The following WDR37 variants were observed in gnomAD, a reference collection of about 807,000 sequenced individuals.
The protein encoded by WDR37 is WD repeat domain 37, also known as WD repeat-containing protein 37.
A neutral mutation model predicts 62.9 loss-of-function variants in WDR37; 19 were observed. The ratio of observed to expected loss-of-function variants is 0.30; its 90% confidence interval spans 0.21 to 0.44. The LOEUF is 0.44. WDR37 is among the 20% of genes least tolerant of loss of function. WDR37 has a pLI of 1.00. For missense variants in WDR37, 474 were observed against 657.6 expected, an observed-to-expected ratio of 0.72 and a Z score of 3.05; for synonymous variants, 250 against 260.9, an observed-to-expected ratio of 0.96 and a Z score of 0.40.
intron 11 of WDR37, among the ~76,000 whole-genome samples, chr10:1,107,369 C>T (rs537900861): frequency 2.2e-4 from 33 of 152,322 alleles, no homozygotes; most frequent in Admixed American, 3.9e-4. Flanking sequence ...GAAGGGCAGT[C>T]GGAGGCCTAG....
chr10:1,126,274 C>T lies in WDR37; in HGVS notation c.1353+1250C>T, dbSNP rs536992897. 1.5e-3 allele frequency among the ~76,000 whole-genome samples: 224 copies of T among 151,980 alleles called. 4 individuals carry two copies. The highest frequency in any genetic ancestry group is 0.011 in the South Asian group (55 of 4,796). ...CAAAAAAATCAGCCAGGCGTGGTGG[C>T]GGGCGTCTGTAGTCCCAGCTACTCG... is the stretch of plus-strand genomic sequence containing the variant. On this transcript the variant is annotated intron_variant, in intron 13 of 13. Coordinates refer to ENST00000263150, the MANE Select transcript of WDR37 (RefSeq NM_014023.4).
chr10:1,077,329 A>G (rs956066203), intron 2 of WDR37, among the ~76,000 whole-genome samples: 3 of 152,216 alleles, frequency 2.0e-5, no homozygotes, highest in Non-Finnish European at 4.4e-5. Flanking sequence ...GCAGGAAATA[A>G]AAAGTTAATG....
At chr10:1,069,718 G>T in intron 1 of WDR37, among the ~76,000 whole-genome samples, 1 of 151,882 alleles carries the variant, frequency 6.6e-6, no homozygotes, top group East Asian at 1.9e-4. Flanking sequence ...TTTGTATCTT[G>T]AACATGTGGC....
At chr10:1,101,173 T>A (rs1834786455) in intron 9 of WDR37, among the ~76,000 whole-genome samples, 1 of 152,084 alleles carries the variant, frequency 6.6e-6, no homozygotes, top group Non-Finnish European at 1.5e-5. Flanking sequence ...CCTGTCCGTC[T>A]CCCCCGTTGT....
intron 9 of WDR37, 146 bp downstream of exon 9, chr10:1,096,392 G>T: frequency 1.2e-6 from 1 of 825,584 alleles, no homozygotes; most frequent in African/African-American, 1.7e-5. Flanking sequence ...GTTGAATTTG[G>T]AGATTGGGCC....
chr10:1,058,950 T>C (rs531742437), intron 1 of WDR37, among the ~76,000 whole-genome samples: 1 of 152,274 alleles, frequency 6.6e-6, no homozygotes, highest in Non-Finnish European at 1.5e-5. Flanking sequence ...CTTTTGCATG[T>C]GATTAACATT....
Position 1,129,218 on chromosome 10 carries a change from C to T in WDR37, c.1359C>T (p.His453=), listed in dbSNP as rs1452676112. 6.2e-7 allele frequency: 1 copy of T among 1,613,958 alleles called. No homozygotes were observed. The highest frequency in any genetic ancestry group is 1.7e-5 in the Admixed American group (1 of 60,006). The change falls in exon 14 of 14, where the codon CAC becomes CAT. Residue 453 remains histidine, a synonymous_variant. Coordinates refer to ENST00000263150, the MANE Select transcript of WDR37 (RefSeq NM_014023.4). ...GTTTGTTTGATCATCACTAGGGCCACAGGAGAATGGTATGCTGCTCGGCAT... is the reference window on the plus strand; with the variant it reads ...GTTTGTTTGATCATCACTAGGGCCATAGGAGAATGGTATGCTGCTCGGCAT... ...ARLPRSSRQG[H]RRMVCCSAWS...
At chr10:1,080,284 T>G (rs1188069536) in intron 4 of WDR37, 128 bp from the exon 5 acceptor site, 1 of 1,308,582 alleles carries the variant, frequency 7.6e-7, no homozygotes, top group Non-Finnish European at 1.1e-6. Context: ...GCCATGGCTC[T>G]GTGTCACTAG....
intron 7 of WDR37, among the ~76,000 whole-genome samples, chr10:1,088,446 TG>T (rs1250962262): frequency 6.6e-6 from 1 of 152,162 alleles, no homozygotes. Flanking sequence ...GGTTATGAAT[TG>T]GCCTAATTTT....
At chr10:1,076,464 G>A (rs970150803) in intron 2 of WDR37, among the ~76,000 whole-genome samples, 3 of 151,976 alleles carry the variant, frequency 2.0e-5, no homozygotes, top group Non-Finnish European at 4.4e-5. Context: ...CAGATCATGA[G>A]GTCAGGAGAT....
At chr10:1,078,830 A>G (rs1037618904) in intron 3 of WDR37, among the ~76,000 whole-genome samples, 5 of 152,216 alleles carry the variant, frequency 3.3e-5, no homozygotes. Context: ...AATTTGTACT[A>G]GACAAATGTA....
intron 9 of WDR37, among the ~76,000 whole-genome samples, chr10:1,099,332 T>C (rs1157374930): frequency 6.6e-6 from 1 of 152,226 alleles, no homozygotes; most frequent in Non-Finnish European, 1.5e-5. Context: ...AGGCAGACAG[T>C]GTAAATGACG....
chr10:1,115,775 C>T (rs1835371899), intron 11 of WDR37, among the ~76,000 whole-genome samples: 1 of 152,110 alleles, frequency 6.6e-6, no homozygotes, highest in Admixed American at 6.5e-5. Flanking sequence ...CTTTTGAGTC[C>T]TTGTCTGTGG....
chr10:1,120,583 G>A (rs1462045450), intron 11 of WDR37, among the ~76,000 whole-genome samples: 2 of 152,134 alleles, frequency 1.3e-5, no homozygotes, highest in South Asian at 2.1e-4. Flanking sequence ...ATCTGTTCTC[G>A]GTACCTTGAC....
At chr10:1,098,742 T>TA (rs1257256832) in intron 9 of WDR37, among the ~76,000 whole-genome samples, 2 of 152,220 alleles carry the variant, frequency 1.3e-5, no homozygotes, top group African/African-American at 4.8e-5. Context: ...GTCATGGACT[T>TA]AGAGTCTCCA....
At chr10:1,063,097 AAG>A (rs1554822301) in intron 1 of WDR37, among the ~76,000 whole-genome samples, 1 of 151,944 alleles carries the variant, frequency 6.6e-6, no homozygotes, top group East Asian at 1.9e-4. Flanking sequence ...AAAAAAAAAA[AAG>A]AGACTGAAAG....
rs1196132687 is a variant in WDR37 at position 1,103,594 on chromosome 10, G to C, written c.727-8G>C. ...GTCTTTCTTTTCTGGCCTTCCCTTT[G>C]GCAGCAGATATCTGGGGAAGATGAA... On this transcript the variant is annotated splice_region_variant and splice_polypyrimidine_tract_variant and intron_variant, in intron 9 of 13. Transcript: ENST00000263150. The surrounding 1 kb of genome is among the most constrained non-coding windows in gnomAD (Gnocchi z 6.3). 6.2e-7 allele frequency: 1 copy of C among 1,612,374 alleles called. No individual in the cohort carries two copies. The highest frequency in any genetic ancestry group is 8.5e-7 in the Non-Finnish European group (1 of 1,178,638).
intron 2 of WDR37, chr10:1,074,344 G>T: frequency 8.0e-7 from 1 of 1,245,748 alleles, no homozygotes; most frequent in South Asian, 1.4e-5. Flanking sequence ...CAGAGGCGGT[G>T]ACTGCATCTC....
At position 1,105,623 on chromosome 10, in the gene WDR37, C is replaced by G. The variant is rs1056520251; in HGVS notation, c.1103+356C>G. Among the ~76,000 whole-genome samples, 1 of 152,180 alleles carries G rather than the reference C, an allele frequency of 6.6e-6. No individual in the cohort carries two copies. Among genetic ancestry groups the G allele is most frequent in the African/African-American group, 2.4e-5 (1 of 41,456 alleles). On this transcript the variant is annotated intron_variant, in intron 11 of 13. Transcript: ENST00000263150. The surrounding 1 kb of genome is among the most constrained non-coding windows in gnomAD (Gnocchi z 5.3). ...GGAGCCGCGGGAGCTGTTACTCCTA[C>G]CCACGGGGTGTCTCCTGGATCTTTT... is the stretch of plus-strand genomic sequence containing the variant.
Sources: allele counts gnomAD v4.1 joint callset (sites outside exome capture counted in the v4.1 genomes callset), GRCh38; gene constraint gnomAD v4.1.1; non-coding constraint Gnocchi (gnomAD v3.1); transcripts MANE v1.5; gene names NCBI Gene and HGNC (gene_info 2026-07-23, HGNC 2026-07-21).